The following NRAP variants were observed in gnomAD, a reference collection of about 807,000 sequenced individuals.
The protein encoded by NRAP is nebulin-related-anchoring protein.
NRAP carries 189 observed loss-of-function variants against 225.9 expected under a neutral mutation model. The observed-to-expected ratio is 0.84, with a 90% CI of 0.74 to 0.94. The LOEUF (loss-of-function observed/expected upper bound fraction) is 0.94, where lower values mean the gene tolerates loss of function less well. Among genes scored for constraint, NRAP ranks in the 40% least tolerant of loss-of-function variants. The pLI is 0.00. For synonymous variants in NRAP, 769 were observed against 790.7 expected, an observed-to-expected ratio of 0.97 and a Z score of 0.46; for missense variants, 2,176 against 2,168.7, an observed-to-expected ratio of 1.00 and a Z score of -0.07.
At chr10:113,608,758 C>T (rs1004506316) in intron 31 of NRAP, among the ~76,000 whole-genome samples, 19 of 152,166 alleles carry the variant, frequency 1.2e-4, no homozygotes, top group African/African-American at 4.3e-4. Context: ...AGTCCTTTGC[C>T]ATGAATGTGA....
At chr10:113,608,541 A>T (rs751115126) in intron 31 of NRAP, 29 bp from the exon 32 acceptor site, 68 of 1,426,594 alleles carry the variant, frequency 4.8e-5, no homozygotes, top group Middle Eastern at 3.5e-4. Flanking sequence ...AGGGAAGAAG[A>T]CGACTCCGTA....
rs1300901272 is a variant in NRAP, at chr10:113,663,235, T to C, written c.167+117A>G. On this transcript the variant is annotated intron_variant, in intron 2 of 41. Transcript: ENST00000359988. ...AATGACAGGATACAAGGGAACACTT[T>C]GGGAGAAGATATTTCTTGGATTTAA... 3.9e-5 allele frequency: 26 copies of C among 675,214 alleles called. 1 individual carries two copies. The South Asian group carries it at 4.1e-4, about 11-fold the overall frequency. 41.8% of individuals were successfully genotyped at this position (675,214 alleles called of 1,614,324 possible).
At chr10:113,663,654 T>G (rs1300944135) in intron 1 of NRAP, among the ~76,000 whole-genome samples, 157 bp downstream of exon 1, 1 of 152,150 alleles carries the variant, frequency 6.6e-6, no homozygotes, top group African/African-American at 2.4e-5. Flanking sequence ...AATAGAAATG[T>G]GTAGAACTAA....
chr10:113,652,676 C>T (rs1389782724), intron 6 of NRAP, among the ~76,000 whole-genome samples: 13 of 150,980 alleles, frequency 8.6e-5, no homozygotes, highest in Non-Finnish European at 5.9e-5. Context: ...GTGTTCAGTG[C>T]TAAAGCAAAC....
chr10:113,633,179 G>A lies in NRAP; in HGVS notation c.1537C>T (p.Arg513Cys), dbSNP rs183719002. 6.2e-5 allele frequency: 98 copies of A among 1,574,280 alleles called. No individual in the cohort carries two copies. The highest frequency in any genetic ancestry group is 1.7e-4 in the Middle Eastern group (1 of 5,988). The change falls in exon 16 of 42, where the codon CGT becomes TGT. Residue 513 changes from arginine (R) to cysteine (C), a missense_variant. Physicochemically the swap from Arg to Cys is radical, Grantham distance 180 (BLOSUM62 -3). Around this residue, in one of 3 missense-constraint regions of NRAP, gnomAD observed 1,708 missense variants for 1,695.5 expected, o/e 1.01. Transcript: ENST00000359988. ...NAQQLSHVNY[R>C]ADYEKNKLNY... Reference sequence around the variant, plus strand: ...AACTTATTTTTCTCATAGTCAGCACGGTAATTCACCTGTTGGATTTAAAAT... The same window carrying A: ...AACTTATTTTTCTCATAGTCAGCACAGTAATTCACCTGTTGGATTTAAAAT...
rs139019145 is a variant in NRAP, at chr10:113,619,933, C to T, written c.2874+671G>A. 9.2e-5 allele frequency among the ~76,000 whole-genome samples: 14 copies of T among 152,302 alleles called. No homozygotes were observed. In the East Asian group the frequency reaches 2.7e-3, roughly 29 times the overall value. On this transcript the variant is annotated intron_variant, in intron 25 of 41. Coordinates refer to ENST00000359988, the MANE Select transcript of NRAP (RefSeq NM_198060.4). ...TTTTTGGTTGTCACAGAGGGCACTA[C>T]TGACATCCTTGTAGGACGTCCTGCT...
At chr10:113,648,465 C>CTATATA (rs1326507151) in intron 9 of NRAP, among the ~76,000 whole-genome samples, 207 of 105,226 alleles carry the variant, frequency 2.0e-3, no homozygotes, top group Admixed American at 3.1e-3. Flanking sequence ...CTCTCTCTCT[C>CTATATA]TCTATATATA....
intron 20 of NRAP, among the ~76,000 whole-genome samples, chr10:113,627,592 C>T (rs150717815): frequency 4.8e-4 from 73 of 152,326 alleles, no homozygotes; most frequent in African/African-American, 1.7e-3. Flanking sequence ...TTATGCTTTT[C>T]TCTCCACCTC....
intron 9 of NRAP, among the ~76,000 whole-genome samples, chr10:113,648,467 C>CTCTATATATATATA (rs749486311): frequency 1.6e-4 from 14 of 87,388 alleles, no homozygotes; most frequent in Admixed American, 4.5e-4. Context: ...CTCTCTCTCT[C>CTCTATATATATATA]TATATATATA....
At chr10:113,620,544 T>C (rs1847922174) in intron 25 of NRAP, 60 bp downstream of exon 25, 2 of 1,120,460 alleles carry the variant, frequency 1.8e-6, no homozygotes, top group East Asian at 2.4e-5. Flanking sequence ...TTTAATTTTA[T>C]ACAGAGACGC....
chr10:113,621,974 A>G lies in NRAP; in HGVS notation c.2664T>C (p.His888=). The change falls in exon 24 of 42, where the codon CAT becomes CAC. Residue 888 remains histidine (H), a synonymous_variant. Transcript: ENST00000359988. ...TCTTGTAGCCTACGTCTGTGGCTAAATGCTGAGCTTTGCGGGCATGCACGA... is the reference window on the plus strand; with the variant it reads ...TCTTGTAGCCTACGTCTGTGGCTAAGTGCTGAGCTTTGCGGGCATGCACGA... The part of the protein sequence containing the change: ...VHLVHARKAQ[H]LATDVGYKTA... 6.2e-7 allele frequency: 1 copy of G among 1,614,208 alleles called. No homozygotes were observed. Among genetic ancestry groups the G allele is most frequent in the Non-Finnish European group, 8.5e-7 (1 of 1,180,034 alleles).
At chr10:113,634,304 A>C in intron 14 of NRAP, 94 bp from the exon 15 acceptor site, 1 of 847,768 alleles carries the variant, frequency 1.2e-6, no homozygotes, top group Non-Finnish European at 2.0e-6. Flanking sequence ...GGCAATTCTC[A>C]AATGGCTACG....
chr10:113,648,767 T>C (rs1272124149), intron 9 of NRAP, among the ~76,000 whole-genome samples: 1 of 152,132 alleles, frequency 6.6e-6, no homozygotes, highest in Non-Finnish European at 1.5e-5. Context: ...ACTTTGATTC[T>C]TGCATTTGTT....
chr10:113,603,620 G>A (rs2419844), intron 35 of NRAP, among the ~76,000 whole-genome samples: 63,739 of 151,820 alleles, frequency 0.42, 13,979 homozygotes, highest in East Asian at 0.71. Context: ...CACCACCCTC[G>A]TCCTTACTCC....
At chr10:113,589,976 A>C (rs11575792) in intron 40 of NRAP, among the ~76,000 whole-genome samples, 179 bp from the exon 41 acceptor site, 1,544 of 152,342 alleles carry the variant, frequency 0.01, 22 homozygotes, top group African/African-American at 0.035. Context: ...CAGGGGCCGC[A>C]ATGTGCTGTG....
At chr10:113,634,931 G>A (rs1891759) in intron 14 of NRAP, among the ~76,000 whole-genome samples, 43,604 of 151,882 alleles carry the variant, frequency 0.29, 6,386 homozygotes, top group Middle Eastern at 0.39. Flanking sequence ...TCCCCACCCC[G>A]TACACCAGCC....
intron 7 of NRAP, among the ~76,000 whole-genome samples, 180 bp downstream of exon 7, chr10:113,651,623 A>C (rs1203970079): frequency 6.6e-6 from 1 of 152,148 alleles, no homozygotes; most frequent in African/African-American, 2.4e-5. Flanking sequence ...TAGTCTGCTG[A>C]GGATAATGGC....
At chr10:113,595,991 AC>A (rs1846269398) in intron 37 of NRAP, among the ~76,000 whole-genome samples, 1 of 152,180 alleles carries the variant, frequency 6.6e-6, no homozygotes, top group East Asian at 1.9e-4. Context: ...CCACAAACCA[AC>A]ATCATGGTTG....
intron 39 of NRAP, among the ~76,000 whole-genome samples, chr10:113,591,486 C>T (rs564828964): frequency 6.6e-6 from 1 of 152,222 alleles, no homozygotes; most frequent in Non-Finnish European, 1.5e-5. Context: ...GTCCAGTGAT[C>T]ACATGCTTGG....
Sources: allele counts gnomAD v4.1 joint callset (sites outside exome capture counted in the v4.1 genomes callset), GRCh38; gene constraint gnomAD v4.1.1; regional missense constraint gnomAD v4.1.1; transcripts MANE v1.5; gene names NCBI Gene and HGNC (gene_info 2026-07-23, HGNC 2026-07-21).